Variants in TTC16 observed in about 807,000 individuals in gnomAD.
TTC16 encodes the protein tetratricopeptide repeat domain 16, also known as tetratricopeptide repeat protein 16.
TTC16 carries 66 observed loss-of-function variants against 80.4 expected under a neutral mutation model. That is an observed-to-expected ratio of 0.82 (90% CI 0.67 to 1.01). The LOEUF (loss-of-function observed/expected upper bound fraction) is 1.01. Among genes scored for constraint, TTC16 ranks in the 50% least tolerant of loss-of-function variants. TTC16 has a pLI of 0.00. For synonymous variants in TTC16, 438 were observed against 451.3 expected, an observed-to-expected ratio of 0.97 and a Z score of 0.37; for missense variants, 1,070 against 1,103.2, an observed-to-expected ratio of 0.97 and a Z score of 0.43.
chr9:127,730,471 T>C, intron 13 of TTC16, 165 bp from the exon 14 acceptor site: 2 of 1,000,084 alleles, frequency 2.0e-6, no homozygotes, highest in Non-Finnish European at 1.4e-6. Context: ...CCCCTCAGGG[T>C]CTGGGTCGCT....
At chr9:127,725,009 G>A (rs1843820251) in intron 9 of TTC16, 112 bp downstream of exon 9, 3 of 1,307,580 alleles carry the variant, frequency 2.3e-6, no homozygotes, top group South Asian at 3.1e-5. Context: ...CCTCGGGGGC[G>A]ATGGCTCATC....
intron 10 of TTC16, among the ~76,000 whole-genome samples, 160 bp from the exon 11 acceptor site, chr9:127,726,787 CAAAAAAAAAAAAAAAAAAAAAAA>C (rs55676226): frequency 0.73 from 97,570 of 134,332 alleles, 33,336 homozygotes; most frequent in African/African-American, 0.79. Flanking sequence ...GACTCTGTCT[CAAAAAAAAAAAAAAAAAAAAAAA>C]AAAAAAAAAA....
At chr9:127,727,941 A>C (rs958491851) in intron 12 of TTC16, 4 of 153,158 alleles carry the variant, frequency 2.6e-5, no homozygotes, top group African/African-American at 9.7e-5. Flanking sequence ...TCGTATTTTT[A>C]GTATTTTTGT....
intron 13 of TTC16, chr9:127,729,981 T>C (rs1279527563): frequency 3.0e-6 from 1 of 328,718 alleles, no homozygotes; most frequent in African/African-American, 2.1e-5. Context: ...GGCCCTAGCC[T>C]GGAGGAGACA....
chr9:127,726,274 C>T lies in TTC16; in HGVS notation c.1295C>T (p.Ala432Val), dbSNP rs1382702516. The T allele has an allele frequency of 1.2e-6, 2 of 1,603,498 alleles. No individual in the cohort carries two copies. Among genetic ancestry groups the T allele is most frequent in the East Asian group, 2.3e-5 (1 of 44,388 alleles). ...AAGGCAGAGAACCACTTCTCCACGG[C>T]CATCCGGCACAACCCCCAGAAGGCC... ...FQKAENHFST[A>V]IRHNPQKAQY... Residue 432 changes from alanine (A) to valine (V), a missense_variant, in exon 10 of 14, where the codon GCC becomes GTC. By Grantham distance (64) the Ala-to-Val change is moderately conservative. Coordinates refer to ENST00000373289, the MANE Select transcript of TTC16 (RefSeq NM_144965.3).
At chr9:127,717,101 C>T in intron 2 of TTC16, 85 bp downstream of exon 2, 2 of 1,534,680 alleles carry the variant, frequency 1.3e-6, no homozygotes, top group Non-Finnish European at 1.8e-6. Context: ...CACTTACTCT[C>T]TTCAGGCCTC....
Position 127,724,315 on chromosome 9 carries a change from G to C in TTC16, c.1068G>C (p.Lys356Asn). The C allele has an allele frequency of 6.2e-7, 1 of 1,612,960 alleles. No individual in the cohort carries two copies. The change falls in exon 8 of 14, where the codon AAG becomes AAC. Residue 356 changes from lysine to asparagine, a missense_variant. Transcript: ENST00000373289. ...AGGAGGGCGTGCTGCTGCTGAACAA[G>C]GCCCTCCGGGACGAGCAGCAGGAGA... Reference protein sequence around the residue: ...AYQEGVLLLNKALRDEQQEKG... With the variant: ...AYQEGVLLLNNALRDEQQEKG...
At chr9:127,720,420 G>GGC in intron 6 of TTC16, 25 bp downstream of exon 6, 1 of 1,141,790 alleles carries the variant, frequency 8.8e-7, no homozygotes, top group Non-Finnish European at 1.3e-6. Context: ...GCGGGCAGGG[G>GGC]CATGCCCCCC....
intron 12 of TTC16, chr9:127,728,663 T>G (rs1844161992): frequency 6.6e-6 from 1 of 152,188 alleles, no homozygotes; most frequent in African/African-American, 2.4e-5. Flanking sequence ...GGCATGGTGG[T>G]GTATACCTAT....
At chr9:127,729,889 T>C (rs1313909395) in intron 13 of TTC16, 5 of 564,108 alleles carry the variant, frequency 8.9e-6, no homozygotes, top group Admixed American at 6.1e-5. Context: ...GCTGCTCTGC[T>C]CTCATCCCCT....
intron 6 of TTC16, 100 bp from the exon 7 acceptor site, chr9:127,723,019 C>G: frequency 3.4e-6 from 4 of 1,190,812 alleles, no homozygotes. Flanking sequence ...GTGAGGGGCA[C>G]GGAGGAGGCA....
rs1184231202 is a variant in TTC16, at chr9:127,718,003, C to T, written c.426+231C>T. Among the ~76,000 whole-genome samples the T allele has an allele frequency of 6.6e-6, 1 of 152,222 alleles. No individual in the cohort carries two copies. The highest frequency in any genetic ancestry group is 1.5e-5 in the Non-Finnish European group (1 of 68,032). On this transcript the variant is annotated intron_variant, in intron 4 of 13. Coordinates refer to ENST00000373289, the MANE Select transcript of TTC16 (RefSeq NM_144965.3). The surrounding 1 kb of genome is among the most constrained non-coding windows in gnomAD (Gnocchi z 4.6). ...TAATGACAGTGTCCAATATGCTAGCCACCAGCCACGTGGAACTGTTGAGCC... is the reference window on the plus strand; with the variant it reads ...TAATGACAGTGTCCAATATGCTAGCTACCAGCCACGTGGAACTGTTGAGCC...
chr9:127,720,127 T>C lies in TTC16; in HGVS notation c.476T>C (p.Phe159Ser). The change falls in exon 5 of 14, where the codon TTC becomes TCC. Residue 159 changes from phenylalanine to serine, a missense_variant. Physicochemically the swap from Phe to Ser is radical, Grantham distance 155. Transcript: ENST00000373289. ...QCAFLDALNV[F>S]SHAAELQPEK... ...GCCTTCCTGGATGCCCTGAATGTCT[T>C]CTCACATGCTGCTGAGCTCCAGCCT... 2 of 1,613,926 alleles carry C rather than the reference T, an allele frequency of 1.2e-6. No individual in the cohort carries two copies. Among genetic ancestry groups the C allele is most frequent in the Non-Finnish European group, 1.7e-6 (2 of 1,180,006 alleles).
intron 4 of TTC16, 37 bp downstream of exon 4, chr9:127,717,809 C>T (rs747464347): frequency 6.3e-7 from 1 of 1,594,018 alleles, no homozygotes; most frequent in East Asian, 2.2e-5. Flanking sequence ...AGGGCACCCA[C>T]CTCACACTTC....
chr9:127,724,451 G>GGGGGAAGGAGGAAGGGAGA (rs1843752531), intron 8 of TTC16, 87 bp downstream of exon 8: 13 of 1,516,832 alleles, frequency 8.6e-6, no homozygotes, highest in Non-Finnish European at 1.2e-5. Flanking sequence ...GAGGCCCCTG[G>GGGGGAAGGAGGAAGGGAGA]GGGGAAGGAG....
intron 8 of TTC16, 87 bp from the exon 9 acceptor site, chr9:127,724,669 C>T: frequency 6.6e-7 from 1 of 1,516,676 alleles, no homozygotes; most frequent in Non-Finnish European, 8.8e-7. Flanking sequence ...CAGTTTCAGG[C>T]CCTGGCCCCC....
At chr9:127,720,760 C>T (rs1401542293) in intron 6 of TTC16, among the ~76,000 whole-genome samples, 1 of 150,312 alleles carries the variant, frequency 6.7e-6, no homozygotes, top group Non-Finnish European at 1.5e-5. Context: ...AGCCACACAC[C>T]AGGGCACCCA....
chr9:127,725,829 A>G (rs1343216981), intron 9 of TTC16, among the ~76,000 whole-genome samples: 2 of 151,808 alleles, frequency 1.3e-5, no homozygotes, highest in African/African-American at 4.8e-5. Context: ...CAAACTTCCC[A>G]CCTCAGGCGA....
Position 127,724,457 on chromosome 9 carries a change from A to G in TTC16, c.1117+93A>G, listed in dbSNP as rs756154553. On this transcript the variant is annotated intron_variant, in intron 8 of 13. Transcript: ENST00000373289. The stretch of plus-strand genomic sequence containing the variant: ...TGGGCACTTGAGGCCCCTGGGGGGA[A>G]GGAGGAAGGGAGAGAGGAAGGAAGC... 8 of 1,489,954 alleles carry G rather than the reference A, an allele frequency of 5.4e-6. No individual in the cohort carries two copies. The South Asian group carries it at 1.0e-4, about 19-fold the overall frequency. The allele number at this position is 1,489,954 out of a possible 1,614,324, so 92.3% of individuals were successfully genotyped here.
Sources: gnomAD v4.1 joint callset for allele counts (sites outside exome capture counted in the v4.1 genomes callset) on GRCh38, gnomAD v4.1.1 for gene constraint, Gnocchi (gnomAD v3.1) non-coding constraint, MANE v1.5 for transcripts, NCBI Gene and HGNC (gene_info 2026-07-23, HGNC 2026-07-21) for gene names.